The following PPARGC1A variants were observed in gnomAD, a reference collection of about 807,000 sequenced individuals.
PPARGC1A encodes peroxisome proliferator-activated receptor gamma coactivator 1-alpha.
In PPARGC1A, 25 loss-of-function variants were observed where a neutral mutation model predicts 88.7. The ratio of observed to expected loss-of-function variants is 0.28; its 90% CI spans 0.21 to 0.39. The LOEUF (loss-of-function observed/expected upper bound fraction) is 0.39, where lower values mean the gene tolerates loss of function less well. Ranked by LOEUF, PPARGC1A falls within the 10% of genes least tolerant of loss-of-function variation. PPARGC1A has a pLI of 1.00. For synonymous variants in PPARGC1A, 363 were observed against 355.6 expected, an observed-to-expected ratio of 1.02 and a Z score of -0.24; for missense variants, 880 against 968.7, an observed-to-expected ratio of 0.91 and a Z score of 1.22.
chr4:24,143,226 AT>A, the PPARGC1A span, among the ~76,000 whole-genome samples: 1 of 152,194 alleles, frequency 6.6e-6, no homozygotes, highest in Admixed American at 6.5e-5. Flanking sequence ...GTAAACATTT[AT>A]GGAGAGTCTG....
chr4:24,293,633 CT>C, the PPARGC1A span, among the ~76,000 whole-genome samples: 1 of 128,824 alleles, frequency 7.8e-6, no homozygotes, highest in African/African-American at 3.1e-5. Flanking sequence ...CCCCTCACCC[CT>C]ACCCCTGCCT....
chr4:23,795,764 G>T lies in PPARGC1A; in HGVS notation c.*58C>A. ...TGACTTGCAATAGTCTTTAGGGAAG[G>T]ACGCGCTGTCCCATGAGGTATTCGC... On this transcript the variant is annotated 3_prime_UTR_variant, in exon 13 of 13. Coordinates refer to ENST00000264867, the MANE Select transcript of PPARGC1A (RefSeq NM_013261.5). 1.5e-6 allele frequency: 2 copies of T among 1,340,168 alleles called. No individual in the cohort carries two copies. The highest frequency in any genetic ancestry group is 2.5e-5 in the South Asian group (2 of 78,726). 83.0% of individuals were successfully genotyped at this position (1,340,168 alleles called of 1,614,324 possible). A position where few individuals can be genotyped will look rare whatever the true frequency, so the allele number is the denominator to read the frequency against.
At chr4:23,898,793 T>C (rs1718913187) in intron 1 of PPARGC1A, among the ~76,000 whole-genome samples, 1 of 151,856 alleles carries the variant, frequency 6.6e-6, no homozygotes. Flanking sequence ...TCTACCTCTT[T>C]TCAAAACAAA....
the PPARGC1A span, among the ~76,000 whole-genome samples, chr4:24,057,262 A>T: frequency 3.9e-5 from 6 of 152,210 alleles, no homozygotes; most frequent in Non-Finnish European, 8.8e-5. Flanking sequence ...ATTCATAGAG[A>T]CAGAAAGTAG....
chr4:23,989,138 G>A, the PPARGC1A span, among the ~76,000 whole-genome samples: 1 of 151,722 alleles, frequency 6.6e-6, no homozygotes, highest in African/African-American at 2.4e-5. Flanking sequence ...TTATCAAAGT[G>A]TTTCTAATGT....
chr4:24,414,378 A>G, the PPARGC1A span, among the ~76,000 whole-genome samples: 1 of 152,286 alleles, frequency 6.6e-6, no homozygotes, highest in South Asian at 2.1e-4. Context: ...CCAGAGCAGT[A>G]GCAGTAGAAA....
the PPARGC1A span, among the ~76,000 whole-genome samples, chr4:24,445,402 C>T: frequency 6.6e-6 from 1 of 152,178 alleles, no homozygotes; most frequent in Non-Finnish European, 1.5e-5. Context: ...CTTGACAATT[C>T]CTTTTTGTCT....
At chr4:23,801,534 T>C (rs1489212175) in intron 12 of PPARGC1A, among the ~76,000 whole-genome samples, 196 bp downstream of exon 12, 2 of 152,206 alleles carry the variant, frequency 1.3e-5, no homozygotes, top group Non-Finnish European at 2.9e-5. Context: ...AGAATTTACT[T>C]CTGTCCTTTC....
the PPARGC1A span, among the ~76,000 whole-genome samples, chr4:24,197,466 T>G: frequency 6.6e-6 from 1 of 152,344 alleles, no homozygotes; most frequent in South Asian, 2.1e-4. Flanking sequence ...TTGCCTCATC[T>G]TCCTTCCTCC....
chr4:24,391,058 A>G, the PPARGC1A span, among the ~76,000 whole-genome samples: 1 of 152,150 alleles, frequency 6.6e-6, no homozygotes, highest in Non-Finnish European at 1.5e-5. Flanking sequence ...TAAAAAGTAA[A>G]GGTAAAAGTA....
the PPARGC1A span, among the ~76,000 whole-genome samples, chr4:24,161,370 T>C: frequency 6.6e-6 from 1 of 152,168 alleles, no homozygotes; most frequent in Non-Finnish European, 1.5e-5. Flanking sequence ...AAGAGTCAGC[T>C]CAGGTTTCCC....
chr4:23,940,509 T>C, the PPARGC1A span, among the ~76,000 whole-genome samples: 6 of 152,220 alleles, frequency 3.9e-5, no homozygotes, highest in African/African-American at 4.8e-5. Context: ...AAACATTTTA[T>C]AGATTCTGCT....
chr4:23,936,907 A>G, the PPARGC1A span, among the ~76,000 whole-genome samples: 1 of 152,002 alleles, frequency 6.6e-6, no homozygotes, highest in Non-Finnish European at 1.5e-5. Flanking sequence ...AAACAAGTAA[A>G]TAAACTAAAC....
At chr4:24,403,425 C>T in the PPARGC1A span, among the ~76,000 whole-genome samples, 3 of 152,212 alleles carry the variant, frequency 2.0e-5, no homozygotes, top group African/African-American at 4.8e-5. Context: ...ACTGCGTACT[C>T]GCAGCCACCT....
At chr4:24,126,539 G>T in the PPARGC1A span, among the ~76,000 whole-genome samples, 1 of 152,124 alleles carries the variant, frequency 6.6e-6, no homozygotes, top group Non-Finnish European at 1.5e-5. Context: ...GGATATATGA[G>T]TCTCAGAGAG....
At chr4:23,868,034 C>T (rs537728227) in intron 2 of PPARGC1A, among the ~76,000 whole-genome samples, 13 of 152,264 alleles carry the variant, frequency 8.5e-5, no homozygotes, top group Middle Eastern at 3.4e-3. Flanking sequence ...CTGGGAACAG[C>T]GGGTTCCTTG....
the PPARGC1A span, among the ~76,000 whole-genome samples, chr4:24,029,790 A>T: frequency 7.9e-5 from 12 of 151,830 alleles, no homozygotes; most frequent in East Asian, 5.9e-4. Context: ...AGGAAAAAAA[A>T]ATATAATACG....
At chr4:23,938,258 G>A in the PPARGC1A span, among the ~76,000 whole-genome samples, 2 of 152,130 alleles carry the variant, frequency 1.3e-5, no homozygotes. Flanking sequence ...ATTGTTACAG[G>A]TAAAGTCTTA....
intron 2 of PPARGC1A, among the ~76,000 whole-genome samples, chr4:23,867,103 G>A (rs971083752): frequency 3.9e-5 from 6 of 152,196 alleles, no homozygotes; most frequent in South Asian, 2.1e-4. Flanking sequence ...GAAGACTCAC[G>A]AGTAAAAAAA....
Sources: gnomAD v4.1 joint callset for allele counts (sites outside exome capture counted in the v4.1 genomes callset) on GRCh38, gnomAD v4.1.1 for gene constraint, MANE v1.5 for transcripts, NCBI Gene and HGNC (gene_info 2026-07-23, HGNC 2026-07-21) for gene names.